The following PCDHA10 variants were observed in gnomAD, a reference collection of about 807,000 sequenced individuals.
PCDHA10 encodes the protein protocadherin alpha-10.
A neutral mutation model predicts 61.2 loss-of-function variants in PCDHA10; 45 were observed. That is an observed-to-expected ratio of 0.74 (90% confidence interval 0.58 to 0.94). The LOEUF is 0.94. Ranked by LOEUF, PCDHA10 falls within the 40% of genes least tolerant of loss-of-function variation. The pLI, the probability that PCDHA10 is intolerant of heterozygous loss-of-function variation, is 0.00. For missense variants in PCDHA10, 1,278 were observed against 1,236.2 expected, an observed-to-expected ratio of 1.03 and a Z score of -0.51; for synonymous variants, 602 against 548.8, an observed-to-expected ratio of 1.10 and a Z score of -1.35.
chr5:140,881,458 G>C (rs2058720447), intron 1 of PCDHA10: 1 of 671,966 alleles, frequency 1.5e-6, no homozygotes, highest in Non-Finnish European at 1.8e-6. Context: ...CAAAACCTTA[G>C]AGCATTGTTG....
chr5:140,893,781 G>A (rs113070458), intron 1 of PCDHA10, among the ~76,000 whole-genome samples: 3 of 151,996 alleles, frequency 2.0e-5, no homozygotes, highest in African/African-American at 4.8e-5. Flanking sequence ...TTCTTTTACC[G>A]TTTTTAGAAT....
At chr5:140,917,332 G>GT (rs1293292013) in intron 1 of PCDHA10, among the ~76,000 whole-genome samples, 2 of 145,540 alleles carry the variant, frequency 1.4e-5, no homozygotes, top group Non-Finnish European at 3.0e-5. Flanking sequence ...GGCGGGGGAG[G>GT]GGGGGGATGG....
intron 1 of PCDHA10, among the ~76,000 whole-genome samples, chr5:140,942,305 G>A (rs2093264176): frequency 6.6e-6 from 1 of 152,106 alleles, no homozygotes; most frequent in Non-Finnish European, 1.5e-5. Context: ...AGCTACTTGG[G>A]AGGTCGAGGC....
chr5:140,879,564 A>G (rs1232052888), intron 1 of PCDHA10, among the ~76,000 whole-genome samples: 2 of 152,254 alleles, frequency 1.3e-5, no homozygotes, highest in Non-Finnish European at 1.5e-5. Context: ...CCATGAAAGA[A>G]TAAAATTGCC....
Position 140,857,572 on chromosome 5 carries a change from G to T in PCDHA10, c.1524G>T (p.Ser508=), listed in dbSNP as rs144978636. Residue 508 remains serine (S), a synonymous_variant, in exon 1 of 4, where the codon TCG becomes TCT. Coordinates refer to ENST00000307360, the MANE Select transcript of PCDHA10 (RefSeq NM_018901.4). ...LGERSLSSYV[S]VHAESGKVYA... is the part of the protein sequence containing the mutation. Reference sequence around the variant, plus strand: ...AGCGCTCGCTGTCGAGCTACGTGTCGGTGCACGCGGAGAGCGGCAAGGTGT... The same window carrying T: ...AGCGCTCGCTGTCGAGCTACGTGTCTGTGCACGCGGAGAGCGGCAAGGTGT... 1.0e-5 allele frequency: 16 copies of T among 1,596,716 alleles called. 2 individuals carry two copies. The highest frequency in any genetic ancestry group is 1.4e-5 in the Non-Finnish European group (16 of 1,167,664).
intron 3 of PCDHA10, among the ~76,000 whole-genome samples, chr5:140,997,683 T>C (rs782444752): frequency 6.6e-6 from 1 of 152,044 alleles, no homozygotes; most frequent in Non-Finnish European, 1.5e-5. Context: ...TGTGTGTGTG[T>C]GTGTGTGTGT....
At chr5:140,877,497 C>G in intron 1 of PCDHA10, 1 of 1,613,848 alleles carries the variant, frequency 6.2e-7, no homozygotes, top group South Asian at 1.1e-5. Context: ...ACGGCCAGGC[C>G]CCAAAGACGT....
chr5:140,923,551 T>C (rs1398661049), intron 1 of PCDHA10, among the ~76,000 whole-genome samples: 1 of 152,146 alleles, frequency 6.6e-6, no homozygotes, highest in Non-Finnish European at 1.5e-5. Flanking sequence ...AAATGAAATA[T>C]CAGCAATGAA....
chr5:140,857,314 G>C lies in PCDHA10; in HGVS notation c.1266G>C (p.Leu422=). 6.3e-7 allele frequency: 1 copy of C among 1,598,746 alleles called. No homozygotes were observed. The highest frequency in any genetic ancestry group is 8.6e-7 in the Non-Finnish European group (1 of 1,168,028). ...LDRERVSAYE[L]VVTARDGGSP... ...GCGAGAGGGTGTCGGCCTATGAGCT[G>C]GTGGTGACCGCGCGGGACGGGGGCT... The change falls in exon 1 of 4, where the codon CTG becomes CTC. Residue 422 remains leucine (L), a synonymous_variant. Transcript: ENST00000307360.
At chr5:140,998,210 A>G (rs2097801454) in intron 3 of PCDHA10, among the ~76,000 whole-genome samples, 1 of 152,218 alleles carries the variant, frequency 6.6e-6, no homozygotes, top group South Asian at 2.1e-4. Flanking sequence ...TTTAATCTGT[A>G]TAACCACACC....
intron 1 of PCDHA10, among the ~76,000 whole-genome samples, chr5:140,908,191 G>A (rs548195405): frequency 2.6e-5 from 4 of 152,244 alleles, no homozygotes; most frequent in African/African-American, 9.6e-5. Flanking sequence ...TTCAGGTGGT[G>A]GACATATCAT....
intron 1 of PCDHA10, chr5:140,865,952 T>C (rs2049067031): frequency 6.6e-6 from 1 of 152,220 alleles, no homozygotes; most frequent in Non-Finnish European, 1.5e-5. Context: ...GTCTTCATCA[T>C]TAATTTTGTA....
intron 3 of PCDHA10, among the ~76,000 whole-genome samples, chr5:140,988,745 G>A (rs943188955): frequency 3.9e-5 from 6 of 152,152 alleles, no homozygotes; most frequent in Non-Finnish European, 5.9e-5. Flanking sequence ...TCTAGGATTG[G>A]TGGCCTGGGC....
At chr5:140,871,482 T>C (rs535779359) in intron 1 of PCDHA10, 1 of 1,595,438 alleles carries the variant, frequency 6.3e-7, no homozygotes. Flanking sequence ...CAGGGTCAAA[T>C]CACCCCGGAC....
chr5:140,926,703 C>G (rs2083476417), intron 1 of PCDHA10: 2 of 835,304 alleles, frequency 2.4e-6, no homozygotes, highest in Admixed American at 7.4e-5. Context: ...CGGCTCCCAG[C>G]TGGCCAGCCC....
intron 1 of PCDHA10, chr5:140,862,974 T>G: frequency 1.8e-6 from 1 of 545,638 alleles, no homozygotes; most frequent in Non-Finnish European, 3.6e-6. Flanking sequence ...GCAGGCCACT[T>G]GGTGGCGAAG....
chr5:140,895,668 T>C (rs2065102216), intron 1 of PCDHA10, among the ~76,000 whole-genome samples: 1 of 152,170 alleles, frequency 6.6e-6, no homozygotes, highest in South Asian at 2.1e-4. Flanking sequence ...TGAGAACATG[T>C]AGTATTTGGT....
chr5:140,967,226 C>T, intron 1 of PCDHA10: 1 of 1,613,746 alleles, frequency 6.2e-7, no homozygotes, highest in Non-Finnish European at 8.5e-7. Flanking sequence ...GCCCAACTAC[C>T]AGCTTCAGGT....
intron 1 of PCDHA10, chr5:140,884,253 C>T (rs1356283866): frequency 6.2e-7 from 1 of 1,613,418 alleles, no homozygotes; most frequent in East Asian, 2.2e-5. Context: ...CTGACGGCCA[C>T]GGCAACGGTG....
Sources: allele counts gnomAD v4.1 joint callset (sites outside exome capture counted in the v4.1 genomes callset), GRCh38; gene constraint gnomAD v4.1.1; transcripts MANE v1.5; gene names NCBI Gene and HGNC (gene_info 2026-07-23, HGNC 2026-07-21).